PEBP4: variants seen among roughly 807,000 people sequenced by gnomAD.
The protein encoded by PEBP4 is phosphatidylethanolamine binding protein 4, also known as phosphatidylethanolamine-binding protein 4.
PEBP4 carries 22 observed loss-of-function variants against 23.9 expected under a neutral mutation model. The ratio of observed to expected loss-of-function variants is 0.92; its 90% CI spans 0.66 to 1.31. The LOEUF is 1.31. PEBP4 is among the 40% of genes most tolerant of loss of function. The pLI is 0.00. For missense variants in PEBP4, 324 were observed against 281.7 expected, an observed-to-expected ratio of 1.15 and a Z score of -1.07; for synonymous variants, 112 against 99.3, an observed-to-expected ratio of 1.13 and a Z score of -0.76.
At chr8:22,787,668 T>G (rs953252623) in intron 4 of PEBP4, among the ~76,000 whole-genome samples, 1 of 152,250 alleles carries the variant, frequency 6.6e-6, no homozygotes, top group Admixed American at 6.5e-5. Context: ...TGGCCTCTAC[T>G]CTCAAGTACT....
intron 3 of PEBP4, among the ~76,000 whole-genome samples, chr8:22,855,956 G>C (rs372845725): frequency 1.2e-3 from 175 of 148,658 alleles, no homozygotes; most frequent in African/African-American, 4.2e-3. Context: ...GCAGGAGGAG[G>C]ATGGTTGAGC....
intron 3 of PEBP4, among the ~76,000 whole-genome samples, chr8:22,866,242 AGGCCACGCAGGCCAATCTTG>A (rs1807900582): frequency 6.6e-6 from 1 of 152,222 alleles, no homozygotes. Context: ...GTACGACACA[AGGCCACGCAGGCCAATCTTG>A]GGTCCTGTGG....
intron 4 of PEBP4, among the ~76,000 whole-genome samples, chr8:22,737,769 C>T (rs762596710): frequency 5.3e-5 from 8 of 152,238 alleles, no homozygotes; most frequent in Non-Finnish European, 1.0e-4. Context: ...TCTGAGTTTC[C>T]GTACCTATAA....
At chr8:22,751,214 C>T (rs746370315) in intron 4 of PEBP4, among the ~76,000 whole-genome samples, 2 of 152,132 alleles carry the variant, frequency 1.3e-5, no homozygotes, top group Admixed American at 6.5e-5. Context: ...GGTGACCACT[C>T]GGAACTAAGA....
intron 4 of PEBP4, among the ~76,000 whole-genome samples, chr8:22,743,715 G>C (rs920915490): frequency 6.6e-6 from 1 of 152,210 alleles, no homozygotes; most frequent in African/African-American, 2.4e-5. Flanking sequence ...ATTCTTAAGA[G>C]TGTCAACACT....
At chr8:22,747,865 G>A (rs1465673603) in intron 4 of PEBP4, among the ~76,000 whole-genome samples, 1 of 152,192 alleles carries the variant, frequency 6.6e-6, no homozygotes, top group Non-Finnish European at 1.5e-5. Context: ...CTCAGGGAAT[G>A]TGTGAGTGTG....
intron 3 of PEBP4, among the ~76,000 whole-genome samples, chr8:22,904,988 A>G (rs141461556): frequency 6.6e-6 from 1 of 152,226 alleles, no homozygotes; most frequent in Non-Finnish European, 1.5e-5. Context: ...TAATCAGATT[A>G]GAATAAATTC....
chr8:22,936,368 A>C (rs984608169), intron 1 of PEBP4, among the ~76,000 whole-genome samples: 3 of 152,142 alleles, frequency 2.0e-5, no homozygotes, highest in Non-Finnish European at 2.9e-5. Flanking sequence ...GAAATGGACA[A>C]ATTCCTGGAA....
At chr8:22,896,388 C>G (rs1441886082) in intron 3 of PEBP4, among the ~76,000 whole-genome samples, 1 of 152,184 alleles carries the variant, frequency 6.6e-6, no homozygotes, top group Non-Finnish European at 1.5e-5. Flanking sequence ...AACGTGTTTG[C>G]TCAGAGCCAT....
intron 3 of PEBP4, among the ~76,000 whole-genome samples, chr8:22,919,126 A>G (rs1195790808): frequency 6.6e-6 from 1 of 152,158 alleles, no homozygotes; most frequent in Non-Finnish European, 1.5e-5. Flanking sequence ...CCCGCATTGG[A>G]GTAACTTGTG....
chr8:22,801,704 C>G (rs956560536), intron 4 of PEBP4, among the ~76,000 whole-genome samples: 1 of 152,094 alleles, frequency 6.6e-6, no homozygotes, highest in Non-Finnish European at 1.5e-5. Context: ...TACACACATG[C>G]AATGCACACA....
chr8:22,861,379 G>T (rs906989873), intron 3 of PEBP4, among the ~76,000 whole-genome samples: 4 of 152,208 alleles, frequency 2.6e-5, no homozygotes, highest in Admixed American at 2.6e-4. Context: ...AAGCCTAAGA[G>T]ATAGGTTTTT....
At chr8:22,828,450 A>G (rs976617617) in intron 3 of PEBP4, among the ~76,000 whole-genome samples, 1 of 152,080 alleles carries the variant, frequency 6.6e-6, no homozygotes, top group African/African-American at 2.4e-5. Flanking sequence ...TGGAACTGCC[A>G]CTGACAACAA....
chr8:22,858,993 G>A (rs1419633834), intron 3 of PEBP4, among the ~76,000 whole-genome samples: 1 of 152,152 alleles, frequency 6.6e-6, no homozygotes, highest in African/African-American at 2.4e-5. Context: ...GGACTACCTT[G>A]TGGTCATCTG....
At chr8:22,716,802 G>A (rs1000666003) in intron 6 of PEBP4, among the ~76,000 whole-genome samples, 2 of 152,222 alleles carry the variant, frequency 1.3e-5, no homozygotes, top group African/African-American at 2.4e-5. Context: ...TGCCAGAAGT[G>A]CAAGCTCTTA....
chr8:22,740,684 G>C (rs1325996744), intron 4 of PEBP4, among the ~76,000 whole-genome samples: 1 of 152,106 alleles, frequency 6.6e-6, no homozygotes, highest in Non-Finnish European at 1.5e-5. Context: ...TCCTTCTGGA[G>C]ACCCCCTCCC....
At position 22,836,142 on chromosome 8, in the gene PEBP4, G is replaced by A. The variant is rs77390429; in HGVS notation, c.259-18407C>T. On this transcript the variant is annotated intron_variant, in intron 3 of 6. Coordinates refer to ENST00000256404, the MANE Select transcript of PEBP4 (RefSeq NM_144962.3). ...GTTGCCTAAACTCTCTGGGCCTCAGGTTCACTATGTATAAGATGGAGATAA... is the reference window on the plus strand; with the variant it reads ...GTTGCCTAAACTCTCTGGGCCTCAGATTCACTATGTATAAGATGGAGATAA... 2.1e-3 allele frequency among the ~76,000 whole-genome samples: 326 copies of A among 152,326 alleles called. 1 individual carries two copies. The highest frequency in any genetic ancestry group is 7.6e-3 in the African/African-American group (316 of 41,574).
In PEBP4 at chr8:22,751,079, A is replaced by G. The variant is rs929436826; in HGVS notation, c.358-23859T>C. ...AGAAGCATGCTCTCGGCTCCAACAC[A>G]CCTTCTTTGTCTGAAACTTGTGGTA... On this transcript the variant is annotated intron_variant, in intron 4 of 6. Transcript: ENST00000256404. Among the ~76,000 whole-genome samples, 3 of 152,176 alleles carry G rather than the reference A, an allele frequency of 2.0e-5. No homozygotes were observed. The South Asian group carries it at 6.2e-4, about 32-fold the overall frequency.
At chr8:22,937,389 G>GA (rs1809554659) in intron 1 of PEBP4, among the ~76,000 whole-genome samples, 1 of 152,100 alleles carries the variant, frequency 6.6e-6, no homozygotes. Context: ...CCAAGGAGGT[G>GA]AAAGACTTGC....
Sources: allele counts gnomAD v4.1 joint callset (sites outside exome capture counted in the v4.1 genomes callset), GRCh38; gene constraint gnomAD v4.1.1; transcripts MANE v1.5; gene names NCBI Gene and HGNC (gene_info 2026-07-23, HGNC 2026-07-21).